Variants in AGBL1 observed in about 807,000 individuals in gnomAD.
AGBL1 encodes cytosolic carboxypeptidase 4.
Under a neutral mutation model 118.9 loss-of-function variants are expected in AGBL1, and 130 were observed. The ratio of observed to expected loss-of-function variants is 1.09; its 90% CI spans 0.95 to 1.26. The LOEUF is 1.26. Among genes scored for constraint, AGBL1 ranks in the 50% most tolerant of loss-of-function variants. AGBL1 has a pLI of 0.00. For missense variants in AGBL1, 1,584 were observed against 1,298.1 expected, an observed-to-expected ratio of 1.22 and a Z score of -3.38; for synonymous variants, 555 against 478.9, an observed-to-expected ratio of 1.16 and a Z score of -2.08.
chr15:86,400,269 C>T (rs916179436), intron 18 of AGBL1, among the ~76,000 whole-genome samples: 1 of 152,080 alleles, frequency 6.6e-6, no homozygotes, highest in Non-Finnish European at 1.5e-5. Flanking sequence ...TAGGATATCC[C>T]ATGGATAAAA....
chr15:86,547,269 C>T (rs1051433884), intron 20 of AGBL1, among the ~76,000 whole-genome samples: 1 of 152,072 alleles, frequency 6.6e-6, no homozygotes, highest in Non-Finnish European at 1.5e-5. Context: ...GGACCCAACC[C>T]ATATAAAATG....
intron 22 of AGBL1, among the ~76,000 whole-genome samples, chr15:86,740,626 G>A (rs2077663819): frequency 6.6e-6 from 1 of 152,170 alleles, no homozygotes; most frequent in Non-Finnish European, 1.5e-5. Flanking sequence ...ATAAGTGCTT[G>A]TAGAAGATTA....
intron 18 of AGBL1, among the ~76,000 whole-genome samples, chr15:86,456,189 T>C (rs2082256533): frequency 6.6e-6 from 1 of 152,210 alleles, no homozygotes; most frequent in South Asian, 2.1e-4. Context: ...ATAGCTTGTC[T>C]TTTATTGCTG....
At chr15:86,586,163 C>G (rs756231770) in intron 21 of AGBL1, among the ~76,000 whole-genome samples, 1 of 152,148 alleles carries the variant, frequency 6.6e-6, no homozygotes, top group Non-Finnish European at 1.5e-5. Context: ...TAATAAATCC[C>G]CCTCTCTCTT....
intron 20 of AGBL1, among the ~76,000 whole-genome samples, chr15:86,552,473 T>A (rs2142266509): frequency 6.6e-6 from 1 of 152,336 alleles, no homozygotes; most frequent in South Asian, 2.1e-4. Context: ...TATTGATCAC[T>A]TTAGTTGCAG....
intron 1 of AGBL1, among the ~76,000 whole-genome samples, chr15:86,127,093 A>G (rs1008976897): frequency 6.6e-6 from 1 of 152,164 alleles, no homozygotes; most frequent in African/African-American, 2.4e-5. Context: ...AGTCCCCAGT[A>G]ATCTGGCCTT....
At position 86,441,159 on chromosome 15, in the gene AGBL1, T is replaced by C. The variant is rs2082060045; in HGVS notation, c.2555+43613T>C. Among the ~76,000 whole-genome samples the C allele has an allele frequency of 2.6e-5, 4 of 152,246 alleles. No homozygotes were observed. In the South Asian group the frequency reaches 8.3e-4, roughly 32 times the overall value. ...GAGCTGTATTATAAAGGGTGCTCGG[T>C]GTGGTTATTGTGCCACGTGACTGTA... is the stretch of plus-strand genomic sequence containing the variant. On this transcript the variant is annotated intron_variant, in intron 18 of 22. Coordinates refer to ENST00000614907, the MANE Select transcript of AGBL1 (RefSeq NM_001386094.1).
At chr15:86,933,960 G>A (rs528592472) in intron 23 of AGBL1, among the ~76,000 whole-genome samples, 9 of 152,224 alleles carry the variant, frequency 5.9e-5, no homozygotes, top group East Asian at 1.9e-4. Context: ...CAATTCTTCC[G>A]TCTAAAAATT....
At chr15:86,122,098 C>G (rs980324498) in intron 1 of AGBL1, among the ~76,000 whole-genome samples, 3 of 152,190 alleles carry the variant, frequency 2.0e-5, no homozygotes, top group Non-Finnish European at 4.4e-5. Flanking sequence ...GGAACTGTCT[C>G]CAAGTTTCTT....
intron 23 of AGBL1, among the ~76,000 whole-genome samples, chr15:86,947,967 C>T (rs541422784): frequency 3.0e-3 from 463 of 152,294 alleles, no homozygotes; most frequent in Non-Finnish European, 5.3e-3. Context: ...TTTTTCTCTA[C>T]ATCATCAAAT....
intron 17 of AGBL1, among the ~76,000 whole-genome samples, chr15:86,391,381 C>A (rs918353747): frequency 3.3e-5 from 5 of 152,088 alleles, no homozygotes; most frequent in Non-Finnish European, 7.4e-5. Context: ...AAATTTTTCT[C>A]ATTTTATTTT....
At chr15:86,261,495 A>AT (rs569006653) in intron 9 of AGBL1, among the ~76,000 whole-genome samples, 159 of 152,180 alleles carry the variant, frequency 1.0e-3, no homozygotes, top group African/African-American at 1.7e-3. Context: ...GGAACATTGC[A>AT]TTTTTTTGCC....
In AGBL1 at chr15:86,576,014, A is replaced by G. The variant is rs866003621; in HGVS notation, c.2994+21477A>G. ...CAATGTGCAAACAAGCTTAACTCCC[A>G]TAAGTAGAAAATTAGTGAAATAAAC... On this transcript the variant is annotated intron_variant, in intron 21 of 22. Coordinates refer to ENST00000614907, the MANE Select transcript of AGBL1 (RefSeq NM_001386094.1). 2.6e-5 allele frequency among the ~76,000 whole-genome samples: 4 copies of G among 152,230 alleles called. No homozygotes were observed. The South Asian group carries it at 8.3e-4, about 32-fold the overall frequency.
chr15:86,927,777 A>G (rs2080561100), intron 23 of AGBL1, among the ~76,000 whole-genome samples: 1 of 152,128 alleles, frequency 6.6e-6, no homozygotes, highest in Non-Finnish European at 1.5e-5. Context: ...GCTTGCCTAC[A>G]CAGACCTCTA....
chr15:86,995,403 T>C (rs1567277692), intron 24 of AGBL1, among the ~76,000 whole-genome samples: 1 of 151,782 alleles, frequency 6.6e-6, no homozygotes, highest in African/African-American at 2.4e-5. Flanking sequence ...AATAAGTAAA[T>C]AAACAAACAT....
intron 20 of AGBL1, among the ~76,000 whole-genome samples, chr15:86,546,919 T>C (rs1218667849): frequency 6.6e-6 from 1 of 152,190 alleles, no homozygotes; most frequent in Non-Finnish European, 1.5e-5. Context: ...TGTCTGCCTC[T>C]ACTGTTATTC....
chr15:86,353,223 A>G (rs998638137), intron 17 of AGBL1, among the ~76,000 whole-genome samples: 4 of 152,210 alleles, frequency 2.6e-5, no homozygotes, highest in Non-Finnish European at 4.4e-5. Context: ...GCTTTGGGCT[A>G]TCAGAAAATA....
At chr15:86,635,879 T>C (rs2085073654) in intron 21 of AGBL1, among the ~76,000 whole-genome samples, 1 of 152,172 alleles carries the variant, frequency 6.6e-6, no homozygotes, top group South Asian at 2.1e-4. Context: ...GAGTTATCAA[T>C]AGAACTCCTG....
intron 5 of AGBL1, among the ~76,000 whole-genome samples, chr15:86,191,644 ACCAGAGTGGCCTTAGAAAT>A (rs978446067): frequency 3.9e-5 from 6 of 152,184 alleles, no homozygotes; most frequent in African/African-American, 1.4e-4. Context: ...AGAAAACTCT[ACCAGAGTGGCCTTAGAAAT>A]CCTGGGTCAG....
Sources: allele counts gnomAD v4.1 joint callset (sites outside exome capture counted in the v4.1 genomes callset), GRCh38; gene constraint gnomAD v4.1.1; transcripts MANE v1.5; gene names NCBI Gene and HGNC (gene_info 2026-07-23, HGNC 2026-07-21).